The following PPP1R12C variants were observed in gnomAD, a reference collection of about 807,000 sequenced individuals.
The protein encoded by PPP1R12C is leukocyte receptor cluster (LRC) encoded novel gene 3.
In PPP1R12C, 48 loss-of-function variants were observed where a neutral mutation model predicts 95.6. The ratio of observed to expected loss-of-function variants is 0.50; its 90% CI spans 0.40 to 0.64. The LOEUF (loss-of-function observed/expected upper bound fraction) is 0.64, where lower values mean the gene tolerates loss of function less well. Among genes scored for constraint, PPP1R12C ranks in the 30% least tolerant of loss-of-function variants. The probability of loss-of-function intolerance (pLI) is 0.00; values close to 1 mark genes in which losing one functional copy is unlikely to be tolerated. For missense variants in PPP1R12C, 1,057 were observed against 1,083.3 expected (o/e 0.98, Z 0.34); for synonymous variants, 480 against 460.8 (o/e 1.04, Z -0.53).
At chr19:55,099,313 T>C (rs7251119) in intron 4 of PPP1R12C, among the ~76,000 whole-genome samples, 14 of 152,344 alleles carry the variant, frequency 9.2e-5, no homozygotes, top group Non-Finnish European at 1.8e-4. Flanking sequence ...TGTTAAACCC[T>C]GACCCTGCAG....
At chr19:55,117,118 GA>G in intron 1 of PPP1R12C, 104 bp downstream of exon 1, 1 of 1,014,222 alleles carries the variant, frequency 9.9e-7, no homozygotes, top group African/African-American at 1.7e-5. Flanking sequence ...CCAGGGCCAG[GA>G]ACGACGGGGC....
At chr19:55,104,298 T>C (rs1488938666) in intron 3 of PPP1R12C, among the ~76,000 whole-genome samples, 1 of 148,282 alleles carries the variant, frequency 6.7e-6, no homozygotes, top group African/African-American at 2.5e-5. Context: ...ATAACACCTA[T>C]ATATACACAT....
rs1198139590 is a variant in PPP1R12C at position 55,092,662 on chromosome 19, C to A, written c.1912G>T (p.Gly638Trp). The A allele has an allele frequency of 2.6e-6, 4 of 1,532,334 alleles. No individual in the cohort carries two copies. Among genetic ancestry groups the A allele is most frequent in the Non-Finnish European group, 1.8e-6 (2 of 1,141,812 alleles). The allele number at this position is 1,532,334 out of a possible 1,614,324, so 94.9% of individuals were successfully genotyped here. A position where few individuals can be genotyped will look rare whatever the true frequency, so the allele number is the denominator to read the frequency against. Residue 638 changes from glycine to tryptophan, a missense_variant and splice_region_variant, in exon 17 of 22, where the codon GGG (glycine) becomes TGG (tryptophan). Physicochemically the swap from Gly to Trp is radical, Grantham distance 184. Transcript: ENST00000263433. ...CGGTCAGCCGGCTCCGCCTCCTCCC[C>A]CTGTGGGCAGGTAGACGGGGGTTCA... is the stretch of plus-strand genomic sequence containing the variant. Reference protein sequence around the residue: ...VGKEWRGPAEGEEAEPADRSQ... With the variant: ...VGKEWRGPAEWEEAEPADRSQ...
At chr19:55,092,028 C>T (rs1465550493) in intron 19 of PPP1R12C, 119 bp from the exon 20 acceptor site, 15 of 1,311,236 alleles carry the variant, frequency 1.1e-5, no homozygotes, top group African/African-American at 4.4e-5. Flanking sequence ...CCTTCCCCCA[C>T]GGGCCAGGCC....
At position 55,092,529 on chromosome 19, in the gene PPP1R12C, G is replaced by A. The variant is rs779590288; in HGVS notation, c.1968C>T (p.Gly656=). The A allele has an allele frequency of 2.6e-5, 42 of 1,605,850 alleles. No homozygotes were observed. Among genetic ancestry groups the A allele is most frequent in the South Asian group, 7.8e-5 (7 of 90,046 alleles). ...GCCACCGCTGCCTGCGGGCCGAGGG[G>A]CCGCCCTCCAGGGTGCTGGGGCAGG... ...RSQESSTLEG[G]PSARRQRWQR... The change falls in exon 18 of 22, where the codon GGC becomes GGT. Residue 656 remains glycine (G), a synonymous_variant. Transcript: ENST00000263433.
chr19:55,112,899 C>T (rs971570636), intron 1 of PPP1R12C, 104 bp from the exon 2 acceptor site: 3 of 1,476,322 alleles, frequency 2.0e-6, no homozygotes, highest in African/African-American at 2.8e-5. Context: ...GGACACGGTG[C>T]TAGGACAGTG....
rs776034597 is a variant in PPP1R12C at position 55,112,681 on chromosome 19, A to T, written c.436T>A (p.Tyr146Asn). The T allele has an allele frequency of 2.5e-6, 4 of 1,613,848 alleles. No homozygotes were observed. Among genetic ancestry groups the T allele is most frequent in the Non-Finnish European group, 3.4e-6 (4 of 1,179,956 alleles). ...TTGCCTCACCTGGCGATATCTAGGTAGCCACAGGAGGCGGCCACGTGCAGT... is the reference window on the plus strand; with the variant it reads ...TTGCCTCACCTGGCGATATCTAGGTTGCCACAGGAGGCGGCCACGTGCAGT... ...TPLHVAASCG[Y>N]LDIARYLLSH... is the part of the protein sequence containing the mutation. Residue 146 changes from tyrosine (Y) to asparagine (N), a missense_variant, in exon 2 of 22, where the codon TAC (tyrosine) becomes AAC (asparagine). Physicochemically the swap from Tyr to Asn is moderately radical, Grantham distance 143 (BLOSUM62 -2). Transcript: ENST00000263433.
At chr19:55,099,155 T>G in intron 4 of PPP1R12C, 60 bp from the exon 5 acceptor site, 1 of 1,449,284 alleles carries the variant, frequency 6.9e-7, no homozygotes, top group South Asian at 1.4e-5. Context: ...CGAGGGCTGA[T>G]TTCGGCCAGC....
intron 11 of PPP1R12C, 155 bp downstream of exon 11, chr19:55,095,136 G>A: frequency 4.5e-6 from 4 of 888,530 alleles, no homozygotes; most frequent in Non-Finnish European, 7.1e-6. Flanking sequence ...ACCTGAGGGA[G>A]GGAGAGAGCC....
rs1422640339 is a variant in PPP1R12C, at chr19:55,112,692, G to A, written c.425C>T (p.Ala142Val). The A allele has an allele frequency of 1.2e-6, 2 of 1,613,910 alleles. No individual in the cohort carries two copies. The highest frequency in any genetic ancestry group is 1.7e-5 in the Admixed American group (1 of 60,020). Reference protein sequence around the residue: ...NEGWTPLHVAASCGYLDIARY... With the variant: ...NEGWTPLHVAVSCGYLDIARY... Reference sequence around the variant, plus strand: ...GGCGATATCTAGGTAGCCACAGGAGGCGGCCACGTGCAGTGGCGTCCAGCC... The same window carrying A: ...GGCGATATCTAGGTAGCCACAGGAGACGGCCACGTGCAGTGGCGTCCAGCC... Residue 142 changes from alanine (A) to valine (V), a missense_variant, in exon 2 of 22, where the codon GCC becomes GTC. By Grantham distance (64) the Ala-to-Val change is moderately conservative. Around this residue, in one of 5 missense-constraint regions of PPP1R12C, gnomAD observed 282 missense variants for 380.4 expected, o/e 0.74. Coordinates refer to ENST00000263433, the MANE Select transcript of PPP1R12C (RefSeq NM_017607.4).
intron 1 of PPP1R12C, among the ~76,000 whole-genome samples, chr19:55,116,837 G>A (rs1389083574): frequency 1.3e-5 from 2 of 152,214 alleles, no homozygotes; most frequent in African/African-American, 4.8e-5. Context: ...CGGCTGGAGG[G>A]GCTCAACATC....
chr19:55,113,946 CAT>C, intron 1 of PPP1R12C: 1 of 160,716 alleles, frequency 6.2e-6, no homozygotes, highest in Non-Finnish European at 1.4e-5. Flanking sequence ...AACCCCTCCC[CAT>C]TCAACCCAGG....
At chr19:55,100,421 G>A (rs972781324) in intron 4 of PPP1R12C, among the ~76,000 whole-genome samples, 2 of 152,236 alleles carry the variant, frequency 1.3e-5, no homozygotes, top group African/African-American at 4.8e-5. Context: ...CAGCAAGAGC[G>A]ATCAGCCCAA....
At position 55,103,546 on chromosome 19, in the gene PPP1R12C, C is replaced by CT; in HGVS notation, c.593dup (p.Arg199AlafsTer10). The CT allele has an allele frequency of 6.3e-7, 1 of 1,592,332 alleles. No individual in the cohort carries two copies. The highest frequency in any genetic ancestry group is 8.6e-7 in the Non-Finnish European group (1 of 1,164,860). Reference sequence around the variant, plus strand: ...GAAGGAGCAATTCCTCTTCTGCCCGCTTGGCTGCTTCCACATCCACACCTA... The same window carrying CT: ...GAAGGAGCAATTCCTCTTCTGCCCGCTTTGGCTGCTTCCACATCCACACCTA... On this transcript the variant is annotated frameshift_variant, in exon 4 of 22. Transcript: ENST00000263433. LOFTEE classifies it high-confidence loss of function.
Position 55,117,243 on chromosome 19 carries a change from C to G in PPP1R12C, c.301G>C (p.Gly101Arg). The G allele has an allele frequency of 8.2e-7, 1 of 1,225,694 alleles. No homozygotes were observed. Among genetic ancestry groups the G allele is most frequent in the East Asian group, 3.2e-5 (1 of 30,966 alleles). 75.9% of individuals were successfully genotyped at this position (1,225,694 alleles called of 1,614,324 possible). Residue 101 changes from glycine (G) to arginine (R), a missense_variant, in exon 1 of 22, where the codon GGT becomes CGT. Transcript: ENST00000263433. ...CTGACCTGGTGCAGGGCGCTGATAC[C>G]GTCGGCGTTGGTGGAGTCCAGCACG... The part of the protein sequence containing the change: ...RAVLDSTNAD[G>R]ISALHQACID...
rs772329117 is a variant in PPP1R12C at position 55,094,463 on chromosome 19, G to A, written c.1593-28C>T. 9.9e-6 allele frequency: 16 copies of A among 1,612,032 alleles called. No individual in the cohort carries two copies. The East Asian group carries it at 3.3e-4, about 34-fold the overall frequency. Reference sequence around the variant, plus strand: ...GAGGGAAGGGTCCCAACCTCAGACAGGGAACCTGGGGACCCTGTCCCATTC... The same window carrying A: ...GAGGGAAGGGTCCCAACCTCAGACAAGGAACCTGGGGACCCTGTCCCATTC... On this transcript the variant is annotated intron_variant, in intron 12 of 21. Coordinates refer to ENST00000263433, the MANE Select transcript of PPP1R12C (RefSeq NM_017607.4).
At chr19:55,092,035 G>A (rs529874262) in intron 19 of PPP1R12C, 126 bp from the exon 20 acceptor site, 1 of 1,281,172 alleles carries the variant, frequency 7.8e-7, no homozygotes, top group African/African-American at 1.5e-5. Context: ...CCACGGGCCA[G>A]GCCCCGCCAC....
chr19:55,112,417 C>A lies in PPP1R12C; in HGVS notation c.571+50G>T, dbSNP rs761991165. ...CCTCTAAAGCTCTCAGCCTGGAGACCACGGGTGAGGAGGTGTCCCCCACCC... is the reference window on the plus strand; with the variant it reads ...CCTCTAAAGCTCTCAGCCTGGAGACAACGGGTGAGGAGGTGTCCCCCACCC... On this transcript the variant is annotated intron_variant, in intron 3 of 21. Transcript: ENST00000263433. The A allele has an allele frequency of 3.9e-6, 6 of 1,529,810 alleles. No individual in the cohort carries two copies. The Admixed American group carries it at 1.1e-4, about 27-fold the overall frequency. The allele number at this position is 1,529,810 out of a possible 1,614,324, so 94.8% of individuals were successfully genotyped here.
intron 15 of PPP1R12C, 21 bp from the exon 16 acceptor site, chr19:55,092,889 A>C (rs2084863526): frequency 1.2e-6 from 2 of 1,601,872 alleles, no homozygotes; most frequent in Admixed American, 3.5e-5. Context: ...GGCAGGAATC[A>C]GCCCAGGCAC....
Sources: gnomAD v4.1 joint callset for allele counts (sites outside exome capture counted in the v4.1 genomes callset) on GRCh38, gnomAD v4.1.1 for gene constraint, gnomAD v4.1.1 regional missense constraint, MANE v1.5 for transcripts, NCBI Gene and HGNC (gene_info 2026-07-23, HGNC 2026-07-21) for gene names.